GHR: variants seen among roughly 807,000 people sequenced by gnomAD.
GHR encodes growth hormone receptor.
GHR carries 35 observed loss-of-function variants against 67.1 expected under a neutral mutation model. The ratio of observed to expected loss-of-function variants is 0.52; its 90% CI spans 0.40 to 0.69. The LOEUF (loss-of-function observed/expected upper bound fraction) is 0.69. Among genes scored for constraint, GHR ranks in the 30% least tolerant of loss-of-function variants. GHR has a pLI of 0.00. For synonymous variants in GHR, 272 were observed against 269.1 expected (o/e 1.01, Z -0.10); for missense variants, 792 against 764.6 (o/e 1.04, Z -0.42).
intron 1 of GHR, among the ~76,000 whole-genome samples, chr5:42,478,899 T>C (rs1441981713): frequency 6.6e-6 from 1 of 152,208 alleles, no homozygotes; most frequent in Non-Finnish European, 1.5e-5. Context: ...CTCATTGCCC[T>C]GGCCAGAACT....
chr5:42,425,269 A>G (rs139981779), intron 1 of GHR, among the ~76,000 whole-genome samples: 2,858 of 152,116 alleles, frequency 0.019, 156 homozygotes, highest in East Asian at 0.11. Context: ...TATGAATTTG[A>G]AATTTTCAGG....
chr5:42,509,233 A>G (rs1415009463), intron 1 of GHR, among the ~76,000 whole-genome samples: 1 of 152,202 alleles, frequency 6.6e-6, no homozygotes, highest in African/African-American at 2.4e-5. Context: ...GAAAATGCAC[A>G]CTGTGGTGAC....
At chr5:42,464,847 G>A (rs551478528) in intron 1 of GHR, among the ~76,000 whole-genome samples, 2 of 152,222 alleles carry the variant, frequency 1.3e-5, no homozygotes, top group African/African-American at 4.8e-5. Flanking sequence ...AGAAAGGAAG[G>A]GAATGTGACC....
At chr5:42,531,689 T>G (rs1747977934) in intron 1 of GHR, among the ~76,000 whole-genome samples, 1 of 152,230 alleles carries the variant, frequency 6.6e-6, no homozygotes, top group Non-Finnish European at 1.5e-5. Flanking sequence ...CTTAACCAGC[T>G]GAATCACATT....
At chr5:42,482,548 C>A (rs1745693183) in intron 1 of GHR, among the ~76,000 whole-genome samples, 1 of 152,220 alleles carries the variant, frequency 6.6e-6, no homozygotes, top group Non-Finnish European at 1.5e-5. Context: ...AGCTTCCTGG[C>A]CGCTTTATTT....
intron 5 of GHR, among the ~76,000 whole-genome samples, chr5:42,698,468 C>T (rs576644051): frequency 5.3e-5 from 8 of 152,168 alleles, no homozygotes; most frequent in Non-Finnish European, 8.8e-5. Flanking sequence ...GCCATTATAT[C>T]GGCATATGTA....
At chr5:42,462,201 AT>A (rs1744515258) in intron 1 of GHR, among the ~76,000 whole-genome samples, 1 of 152,224 alleles carries the variant, frequency 6.6e-6, no homozygotes, top group South Asian at 2.1e-4. Context: ...TTGAGGATTT[AT>A]TTGAAATGTT....
intron 3 of GHR, among the ~76,000 whole-genome samples, chr5:42,675,342 G>T (rs1041379554): frequency 6.6e-6 from 1 of 152,138 alleles, no homozygotes; most frequent in African/African-American, 2.4e-5. Context: ...CCAGAGAAAA[G>T]ATCACTGACA....
At chr5:42,585,113 T>A (rs1199349563) in intron 2 of GHR, among the ~76,000 whole-genome samples, 1 of 152,228 alleles carries the variant, frequency 6.6e-6, no homozygotes, top group Non-Finnish European at 1.5e-5. Flanking sequence ...GAGCTGAACC[T>A]TGATTTGTGC....
At chr5:42,633,224 C>A (rs561808613) in intron 3 of GHR, among the ~76,000 whole-genome samples, 1 of 151,892 alleles carries the variant, frequency 6.6e-6, no homozygotes, top group Non-Finnish European at 1.5e-5. Context: ...GCATTTTTAC[C>A]TCAAAATGAA....
At chr5:42,507,863 A>C (rs1185735692) in intron 1 of GHR, among the ~76,000 whole-genome samples, 3 of 152,144 alleles carry the variant, frequency 2.0e-5, no homozygotes, top group Admixed American at 1.3e-4. Flanking sequence ...TCAACCTTCT[A>C]ATCTCCATTG....
At chr5:42,607,942 A>G (rs1752704829) in intron 2 of GHR, among the ~76,000 whole-genome samples, 1 of 152,200 alleles carries the variant, frequency 6.6e-6, no homozygotes, top group Non-Finnish European at 1.5e-5. Flanking sequence ...AAATACCTTT[A>G]TTATTTTACA....
In GHR at chr5:42,658,841, C is replaced by T. The variant is rs73097904; in HGVS notation, c.136+29738C>T. ...ATAGTGTGGAAGTTGAGAAACCCTA[C>T]CATAAAGCCTAGGGAGTCCATTACT... On this transcript the variant is annotated intron_variant, in intron 3 of 9. Transcript: ENST00000230882. Among the ~76,000 whole-genome samples the T allele has an allele frequency of 1.3e-3, 202 of 152,170 alleles. 2 individuals carry two copies. Among genetic ancestry groups the T allele is most frequent in the African/African-American group, 4.8e-3 (198 of 41,518 alleles).
chr5:42,673,402 C>T (rs540652219), intron 3 of GHR, among the ~76,000 whole-genome samples: 1 of 152,312 alleles, frequency 6.6e-6, no homozygotes, highest in East Asian at 1.9e-4. Flanking sequence ...AGCAATCCCA[C>T]TGGGTATATA....
At position 42,720,982 on chromosome 5, in the gene GHR, G is replaced by A. The variant is rs1327844175; in HGVS notation, c.*1558G>A. 6.6e-5 allele frequency: 10 copies of A among 152,356 alleles called. No homozygotes were observed. Among genetic ancestry groups the A allele is most frequent in the African/African-American group, 2.2e-4 (9 of 41,434 alleles). The allele number at this position is 152,356 out of a possible 1,614,324, so 9.4% of individuals were successfully genotyped here. Reference sequence around the variant, plus strand: ...TCTGTCGCCAGGCTAGAGTGCGGTGGCGCGATCTTGACTCACTGCAATCTC... The same window carrying A: ...TCTGTCGCCAGGCTAGAGTGCGGTGACGCGATCTTGACTCACTGCAATCTC... On this transcript the variant is annotated 3_prime_UTR_variant, in exon 10 of 10. Coordinates refer to ENST00000230882, the MANE Select transcript of GHR (RefSeq NM_000163.5).
In GHR at chr5:42,543,442, T is replaced by C. The variant is rs4132368; in HGVS notation, c.-11-22422T>C. On this transcript the variant is annotated intron_variant, in intron 1 of 9. Transcript: ENST00000230882. ...AGAGTCTTTTGGTGGTAAAGTATCT[T>C]AGTTTTCATGTGTGCTCACACACAC... 4.6e-5 allele frequency among the ~76,000 whole-genome samples: 7 copies of C among 152,214 alleles called. No individual in the cohort carries two copies. The East Asian group carries it at 1.3e-3, about 29-fold the overall frequency.
chr5:42,570,769 A>T (rs1014640998), intron 2 of GHR, among the ~76,000 whole-genome samples: 5 of 152,198 alleles, frequency 3.3e-5, no homozygotes, highest in Non-Finnish European at 7.3e-5. Flanking sequence ...ACATAATTTA[A>T]TTGTGATCCT....
intron 2 of GHR, among the ~76,000 whole-genome samples, chr5:42,578,808 A>G (rs1750910855): frequency 6.6e-6 from 1 of 152,172 alleles, no homozygotes; most frequent in African/African-American, 2.4e-5. Context: ...ACAGCTGTTA[A>G]TTCCCCTTTT....
intron 1 of GHR, among the ~76,000 whole-genome samples, chr5:42,543,369 T>C (rs376351634): frequency 3.9e-5 from 6 of 152,156 alleles, no homozygotes; most frequent in African/African-American, 1.4e-4. Flanking sequence ...AGGTGGCATA[T>C]CATTATGGTT....
Sources: allele counts gnomAD v4.1 joint callset (sites outside exome capture counted in the v4.1 genomes callset), GRCh38; gene constraint gnomAD v4.1.1; transcripts MANE v1.5; gene names NCBI Gene and HGNC (gene_info 2026-07-23, HGNC 2026-07-21).